Variants in COL23A1 observed in about 807,000 individuals in gnomAD.
COL23A1 encodes collagen alpha-1(XXIII) chain.
A neutral mutation model predicts 99.3 loss-of-function variants in COL23A1; 97 were observed. That is an observed-to-expected ratio of 0.98 (90% confidence interval 0.83 to 1.16). The LOEUF (loss-of-function observed/expected upper bound fraction) is 1.16. Ranked by LOEUF, COL23A1 falls within the 50% of genes most tolerant of loss-of-function variation. The pLI, the probability that COL23A1 is intolerant of heterozygous loss-of-function variation, is 0.00. For synonymous variants in COL23A1, 320 were observed against 308.2 expected (o/e 1.04, Z -0.40); for missense variants, 762 against 757.4 (o/e 1.01, Z -0.07).
At chr5:178,463,708 T>C (rs1756254438) in intron 2 of COL23A1, among the ~76,000 whole-genome samples, 1 of 152,110 alleles carries the variant, frequency 6.6e-6, no homozygotes. Flanking sequence ...ATGTGCACGG[T>C]GGCCCCCAGC....
intron 2 of COL23A1, among the ~76,000 whole-genome samples, chr5:178,540,185 TGAAA>T (rs1761210804): frequency 6.6e-6 from 1 of 151,436 alleles, no homozygotes; most frequent in African/African-American, 2.4e-5. Context: ...ATTAATCAAG[TGAAA>T]GAAACAAAAG....
rs375391176 is a variant in COL23A1 at position 178,306,882 on chromosome 5, G to A, written c.399C>T (p.Gly133=). The A allele has an allele frequency of 1.7e-4, 269 of 1,540,428 alleles. 1 individual carries two copies. In the Middle Eastern group the frequency reaches 5.3e-3, roughly 30 times the overall value. ...PGRRGKPGRR[G]DPGPPGQSGR... ...AGAAAACCTGGGACTCACCAGGGTC[G>A]CCTCTTCTCCCAGGCTTGCCGCGCC... The change falls in exon 3 of 29, where the codon GGC becomes GGT. Residue 133 remains glycine, a synonymous_variant. Transcript: ENST00000390654. The surrounding 1 kb of genome is among the most constrained non-coding windows in gnomAD (Gnocchi z 4.1).
chr5:178,261,563 G>A (rs1331428123), intron 11 of COL23A1, among the ~76,000 whole-genome samples, 159 bp downstream of exon 11: 1 of 152,216 alleles, frequency 6.6e-6, no homozygotes, highest in African/African-American at 2.4e-5. Flanking sequence ...GAGGCCCAGA[G>A]AGATGCAGTA....
chr5:178,399,615 T>C (rs1764329735), intron 2 of COL23A1, among the ~76,000 whole-genome samples: 1 of 152,212 alleles, frequency 6.6e-6, no homozygotes, highest in African/African-American at 2.4e-5. Flanking sequence ...AAACATGGGC[T>C]GTTTACCCAG....
intron 2 of COL23A1, among the ~76,000 whole-genome samples, chr5:178,363,920 C>A (rs1581234959): frequency 6.6e-6 from 1 of 152,206 alleles, no homozygotes; most frequent in African/African-American, 2.4e-5. Context: ...TGGGATTTGT[C>A]ACACGTGGTC....
At chr5:178,379,565 A>G (rs1763263487) in intron 2 of COL23A1, among the ~76,000 whole-genome samples, 2 of 152,212 alleles carry the variant, frequency 1.3e-5, no homozygotes, top group Non-Finnish European at 2.9e-5. Context: ...CCTGTAATTA[A>G]TAGAGAAAAA....
Position 178,270,321 on chromosome 5 carries a change from C to G in COL23A1, c.468+16G>C, listed in dbSNP as rs763549035. On this transcript the variant is annotated intron_variant, in intron 6 of 28. Coordinates refer to ENST00000390654, the MANE Select transcript of COL23A1 (RefSeq NM_173465.4). Reference sequence around the variant, plus strand: ...CCCAGCCCAGGACCCCCTGGAATTGCCCTGTCATCACTTACGGGCTTGCCA... The same window carrying G: ...CCCAGCCCAGGACCCCCTGGAATTGGCCTGTCATCACTTACGGGCTTGCCA... 1.2e-6 allele frequency: 2 copies of G among 1,613,784 alleles called. No homozygotes were observed.
At chr5:178,256,765 T>G in intron 14 of COL23A1, 101 bp downstream of exon 14, 1 of 1,220,810 alleles carries the variant, frequency 8.2e-7, no homozygotes, top group Non-Finnish European at 1.1e-6. Flanking sequence ...CTCCTGGGAC[T>G]TAAAAGGGCA....
At chr5:178,534,842 G>A (rs186880980) in intron 2 of COL23A1, among the ~76,000 whole-genome samples, 1 of 152,150 alleles carries the variant, frequency 6.6e-6, no homozygotes, top group East Asian at 1.9e-4. Context: ...TACAGTACAG[G>A]CCCTGCCCCA....
chr5:178,556,823 G>A (rs1421180166), intron 2 of COL23A1, among the ~76,000 whole-genome samples: 1 of 151,288 alleles, frequency 6.6e-6, no homozygotes, highest in Non-Finnish European at 1.5e-5. Flanking sequence ...CATGGTGATG[G>A]GAGCCTGTAA....
chr5:178,433,739 T>C (rs1481117895), intron 2 of COL23A1, among the ~76,000 whole-genome samples: 2 of 152,228 alleles, frequency 1.3e-5, no homozygotes, highest in African/African-American at 4.8e-5. Flanking sequence ...TACCACACTC[T>C]CATTCATTTA....
intron 2 of COL23A1, among the ~76,000 whole-genome samples, chr5:178,551,381 C>G (rs1199861013): frequency 6.6e-6 from 1 of 151,946 alleles, no homozygotes; most frequent in East Asian, 1.9e-4. Flanking sequence ...TTAAACTATG[C>G]TTTAAGAGAA....
chr5:178,361,724 T>C (rs935781496), intron 2 of COL23A1, among the ~76,000 whole-genome samples: 4 of 152,216 alleles, frequency 2.6e-5, no homozygotes, highest in African/African-American at 9.6e-5. Context: ...GACTCCATGC[T>C]GGACCTGTGA....
At chr5:178,437,217 C>T (rs938539554) in intron 2 of COL23A1, among the ~76,000 whole-genome samples, 2 of 152,180 alleles carry the variant, frequency 1.3e-5, no homozygotes, top group African/African-American at 4.8e-5. Context: ...AAGAGAAAAA[C>T]ATACAATACA....
intron 2 of COL23A1, among the ~76,000 whole-genome samples, chr5:178,318,486 C>T (rs1365401962): frequency 6.6e-6 from 1 of 152,234 alleles, no homozygotes; most frequent in Non-Finnish European, 1.5e-5. Context: ...CCTCAGCGTG[C>T]CTGAGACTAC....
intron 5 of COL23A1, among the ~76,000 whole-genome samples, chr5:178,277,814 T>A (rs1043646525): frequency 6.6e-6 from 1 of 152,214 alleles, no homozygotes; most frequent in African/African-American, 2.4e-5. Flanking sequence ...CATTTGCCCA[T>A]GACTGGTGGG....
intron 2 of COL23A1, among the ~76,000 whole-genome samples, chr5:178,433,512 A>G (rs537994721): frequency 3.7e-4 from 56 of 152,168 alleles, no homozygotes; most frequent in African/African-American, 1.3e-3. Context: ...TGATCAGATC[A>G]TTGGCAATTG....
At chr5:178,337,826 CA>C (rs1039623227) in intron 2 of COL23A1, among the ~76,000 whole-genome samples, 2 of 151,670 alleles carry the variant, frequency 1.3e-5, no homozygotes, top group African/African-American at 2.4e-5. Flanking sequence ...ATGGAGGAGT[CA>C]AAAAAATGAT....
intron 2 of COL23A1, among the ~76,000 whole-genome samples, chr5:178,376,968 C>T (rs1763101396): frequency 6.6e-6 from 1 of 152,214 alleles, no homozygotes; most frequent in South Asian, 2.1e-4. Context: ...AAAGCCCTCC[C>T]TCCCCTCGGC....
Sources: allele counts gnomAD v4.1 joint callset (sites outside exome capture counted in the v4.1 genomes callset), GRCh38; gene constraint gnomAD v4.1.1; non-coding constraint Gnocchi (gnomAD v3.1); transcripts MANE v1.5; gene names NCBI Gene and HGNC (gene_info 2026-07-23, HGNC 2026-07-21).